Variants in TTC6 observed in about 807,000 individuals in gnomAD.
TTC6 encodes the protein tetratricopeptide repeat protein 6.
In TTC6, 172 loss-of-function variants were observed where a neutral mutation model predicts 210.4. The ratio of observed to expected loss-of-function variants is 0.82; its 90% confidence interval spans 0.72 to 0.93. The LOEUF (loss-of-function observed/expected upper bound fraction) is 0.93, where lower values mean the gene tolerates loss of function less well. Ranked by LOEUF, TTC6 falls within the 40% of genes least tolerant of loss-of-function variation. TTC6 has a pLI of 0.00. For synonymous variants in TTC6, 804 were observed against 819.6 expected, an observed-to-expected ratio of 0.98 and a Z score of 0.32; for missense variants, 2,414 against 2,318.1, an observed-to-expected ratio of 1.04 and a Z score of -0.85.
chr14:37,826,178 T>G lies in TTC6; in HGVS notation c.4975-17T>G. The G allele has an allele frequency of 6.3e-7, 1 of 1,587,238 alleles. No individual in the cohort carries two copies. Among genetic ancestry groups the G allele is most frequent in the East Asian group, 2.2e-5 (1 of 44,592 alleles). On this transcript the variant is annotated splice_polypyrimidine_tract_variant and intron_variant, in intron 27 of 30. Coordinates refer to ENST00000553443, the Ensembl canonical transcript of TTC6. The stretch of plus-strand genomic sequence containing the variant: ...ATGGAGTATTTCCTACTTCGTGTAA[T>G]TGGAAAATTATTTTAGGCCCAAGGA...
At chr14:37,693,979 A>AAAACAAACAAACAAAC (rs57428441) in intron 3 of TTC6, among the ~76,000 whole-genome samples, 2 of 150,490 alleles carry the variant, frequency 1.3e-5, no homozygotes, top group African/African-American at 4.9e-5. Context: ...AACTACCACA[A>AAAACAAACAAACAAAC]AAACAAACAA....
chr14:37,707,833 C>A (rs540801998), intron 5 of TTC6, among the ~76,000 whole-genome samples: 1 of 152,184 alleles, frequency 6.6e-6, no homozygotes, highest in Non-Finnish European at 1.5e-5. Context: ...ATTTACCAAA[C>A]ATTTTTGACT....
intron 7 of TTC6, among the ~76,000 whole-genome samples, chr14:37,727,402 C>T (rs546105460): frequency 1.5e-4 from 22 of 150,430 alleles, no homozygotes; most frequent in Middle Eastern, 3.5e-3. Flanking sequence ...CAAGCAATTC[C>T]CCTGCCTCAG....
At chr14:37,705,046 C>T (rs955033243) in intron 5 of TTC6, among the ~76,000 whole-genome samples, 1 of 151,928 alleles carries the variant, frequency 6.6e-6, no homozygotes, top group African/African-American at 2.4e-5. Flanking sequence ...TGTGTATTTC[C>T]TTGATTCACA....
Position 37,812,246 on chromosome 14 carries a change from C to T in TTC6, c.4570-68C>T, listed in dbSNP as rs112495565. 57 of 1,506,458 alleles carry T rather than the reference C, an allele frequency of 3.8e-5. No homozygotes were observed. In the East Asian group the frequency reaches 6.0e-4, roughly 16 times the overall value. 93.3% of individuals were successfully genotyped at this position (1,506,458 alleles called of 1,614,324 possible). On this transcript the variant is annotated intron_variant, in intron 24 of 30. Coordinates refer to ENST00000553443, the Ensembl canonical transcript of TTC6. ...TTGGGTCCTAGTTTGGACATAAATA[C>T]GTTTGTCCATAGCCAATGAATTCAG...
chr14:37,755,817 G>A (rs2095965863), intron 14 of TTC6, among the ~76,000 whole-genome samples: 1 of 152,120 alleles, frequency 6.6e-6, no homozygotes, highest in South Asian at 2.1e-4. Flanking sequence ...TTTTGCTTAG[G>A]ATTGTCTTGG....
At position 37,613,603 on chromosome 14, in the gene TTC6, G is replaced by T. The variant is rs576834083; in HGVS notation, c.-155+6861G>T. Among the ~76,000 whole-genome samples, 162 of 152,120 alleles carry T rather than the reference G, an allele frequency of 1.1e-3. No individual in the cohort carries two copies. In the Middle Eastern group the frequency reaches 0.017, roughly 16 times the overall value. Reference sequence around the variant, plus strand: ...TACTTGAGAAAACCATCCAGGGCTGGAATTGTCTTTGTGGTAAGATTTTTT... The same window carrying T: ...TACTTGAGAAAACCATCCAGGGCTGTAATTGTCTTTGTGGTAAGATTTTTT... On this transcript the variant is annotated intron_variant, in intron 2 of 2. Transcript: ENST00000556845.
chr14:37,764,119 A>G (rs1595219093), intron 14 of TTC6, among the ~76,000 whole-genome samples: 1 of 151,912 alleles, frequency 6.6e-6, no homozygotes, highest in African/African-American at 2.4e-5. Context: ...TTCTAGTTTT[A>G]TCCATTGTAG....
intron 14 of TTC6, among the ~76,000 whole-genome samples, chr14:37,783,238 G>A (rs376542369): frequency 3.3e-5 from 5 of 152,208 alleles, no homozygotes; most frequent in East Asian, 3.9e-4. Context: ...GGTAGAATTC[G>A]GCTGTGAATC....
rs186222708 is a variant in TTC6, at chr14:37,754,867, T to C, written c.3266+1632T>C. On this transcript the variant is annotated intron_variant, in intron 14 of 30. Transcript: ENST00000553443. ...ATTGTAAATATTGCTGCAGTAAACATATGTGTGCATGTGTCATTATAGTAG... is the reference window on the plus strand; with the variant it reads ...ATTGTAAATATTGCTGCAGTAAACACATGTGTGCATGTGTCATTATAGTAG... 6.0e-4 allele frequency among the ~76,000 whole-genome samples: 92 copies of C among 152,348 alleles called. No individual in the cohort carries two copies. In the East Asian group the frequency reaches 0.018, roughly 29 times the overall value.
At chr14:37,842,258 A>G in exon 31 of TTC6, 1 of 1,607,412 alleles carries the variant, frequency 6.2e-7, no homozygotes, top group Non-Finnish European at 8.5e-7. Context: ...ATAACCAAGC[A>G]CTTGATCTTG....
At chr14:37,804,857 A>G (rs756446496) in intron 21 of TTC6, 43 bp downstream of exon 23, 1 of 1,600,960 alleles carries the variant, frequency 6.2e-7, no homozygotes. Context: ...GTGATTTTAG[A>G]GACTGGTTGC....
chr14:37,696,432 GAA>G (rs1329271101), intron 3 of TTC6, among the ~76,000 whole-genome samples: 8 of 152,032 alleles, frequency 5.3e-5, no homozygotes, highest in African/African-American at 1.9e-4. Context: ...TACCAATAAA[GAA>G]GAGTGCACTT....
intron 1 of TTC6, among the ~76,000 whole-genome samples, chr14:37,635,347 C>T (rs1315231172): frequency 1.3e-5 from 2 of 151,988 alleles, no homozygotes; most frequent in Non-Finnish European, 2.9e-5. Flanking sequence ...ACAGTATAGA[C>T]ACATCAAAAT....
intron 1 of TTC6, among the ~76,000 whole-genome samples, chr14:37,649,161 A>G (rs564946470): frequency 6.6e-6 from 1 of 151,290 alleles, no homozygotes; most frequent in Admixed American, 6.6e-5. Context: ...ATCTCCCCCT[A>G]CTCTTGGGTG....
At chr14:37,744,999 C>T (rs1002285724) in intron 10 of TTC6, among the ~76,000 whole-genome samples, 3 of 150,952 alleles carry the variant, frequency 2.0e-5, no homozygotes, top group Non-Finnish European at 4.4e-5. Context: ...ATATGGGATA[C>T]ACACACACAC....
chr14:37,714,655 A>T (rs2095849631), exon 6 of TTC6: 2 of 1,534,548 alleles, frequency 1.3e-6, no homozygotes, highest in Admixed American at 2.0e-5. Context: ...CACATTGTAG[A>T]ATATTGTATG....
At chr14:37,836,516 C>T (rs1023227433) in intron 29 of TTC6, among the ~76,000 whole-genome samples, 3 of 152,116 alleles carry the variant, frequency 2.0e-5, no homozygotes, top group East Asian at 1.9e-4. Context: ...TTGGTTAGAT[C>T]TAAAGTGTAG....
At chr14:37,763,416 T>G (rs1015351568) in intron 14 of TTC6, among the ~76,000 whole-genome samples, 9 of 152,144 alleles carry the variant, frequency 5.9e-5, no homozygotes, top group African/African-American at 2.2e-4. Context: ...TTGGTAGAAT[T>G]TACTGTTGAC....
Sources: allele counts gnomAD v4.1 joint callset (sites outside exome capture counted in the v4.1 genomes callset), GRCh38; gene constraint gnomAD v4.1.1; transcripts MANE v1.5; gene names NCBI Gene and HGNC (gene_info 2026-07-23, HGNC 2026-07-21).